ENPP3: variants seen among roughly 807,000 people sequenced by gnomAD.
The protein encoded by ENPP3 is ectonucleotide pyrophosphatase/phosphodiesterase family member 3.
In ENPP3, 104 loss-of-function variants were observed where a neutral mutation model predicts 117.8. That is an observed-to-expected ratio of 0.88 (90% CI 0.75 to 1.04). ENPP3 has a LOEUF of 1.04. Ranked by LOEUF, ENPP3 falls within the 50% of genes least tolerant of loss-of-function variation. The pLI is 0.00. For synonymous variants in ENPP3, 380 were observed against 349.9 expected (o/e 1.09, Z -0.96); for missense variants, 1,026 against 1,051.9 (o/e 0.98, Z 0.34).
intron 5 of ENPP3, among the ~76,000 whole-genome samples, chr6:131,653,157 T>C (rs1183311930): frequency 6.6e-6 from 1 of 152,116 alleles, no homozygotes; most frequent in Non-Finnish European, 1.5e-5. Context: ...TGAGACAAGG[T>C]CTTGCTCTGT....
chr6:131,701,031 G>T, intron 15 of ENPP3: 3 of 538,696 alleles, frequency 5.6e-6, no homozygotes, highest in Non-Finnish European at 9.2e-6. Flanking sequence ...GTGGCAGATG[G>T]CCACGTACAG....
chr6:131,641,376 A>T (rs1319533404), intron 1 of ENPP3, 79 bp from the exon 2 acceptor site: 19 of 859,700 alleles, frequency 2.2e-5, no homozygotes, highest in Non-Finnish European at 3.6e-5. Flanking sequence ...CTTAGAGAGA[A>T]TACTGAGAAA....
chr6:131,716,014 C>T (rs79944052), intron 15 of ENPP3, among the ~76,000 whole-genome samples: 4,258 of 140,440 alleles, frequency 0.03, 191 homozygotes, highest in African/African-American at 0.12. Flanking sequence ...ATGGAGATAC[C>T]GCACAGGAAG....
At chr6:131,686,038 C>G in intron 14 of ENPP3, 131 bp downstream of exon 14, 1 of 466,780 alleles carries the variant, frequency 2.1e-6, no homozygotes, top group South Asian at 2.8e-5. Flanking sequence ...CTTCCATCAA[C>G]ATTATTTTAT....
In ENPP3 at chr6:131,663,122, A is replaced by G. The variant is rs141729500; in HGVS notation, c.562+4702A>G. Among the ~76,000 whole-genome samples, 1,208 of 150,396 alleles carry G rather than the reference A, an allele frequency of 8.0e-3. 13 individuals are homozygous for G. The highest frequency in any genetic ancestry group is 0.025 in the African/African-American group (1,011 of 40,990). ...AGTATCATGTCTTCTGAAAATAGGG[A>G]CAGGTTTACTTCTTTCTTTCCTATG... On this transcript the variant is annotated intron_variant, in intron 6 of 24. Transcript: ENST00000357639.
At chr6:131,690,651 G>A (rs1164044727) in intron 14 of ENPP3, among the ~76,000 whole-genome samples, 2 of 152,130 alleles carry the variant, frequency 1.3e-5, no homozygotes, top group Non-Finnish European at 1.5e-5. Flanking sequence ...TGAGGATGGA[G>A]TGCAAAGGAC....
intron 15 of ENPP3, chr6:131,711,014 C>G: frequency 6.3e-7 from 1 of 1,592,452 alleles, no homozygotes. Flanking sequence ...CCAGGCTCCT[C>G]CATAGCGTCG....
chr6:131,729,581 G>A (rs892187549), intron 20 of ENPP3, among the ~76,000 whole-genome samples: 4 of 152,178 alleles, frequency 2.6e-5, no homozygotes, highest in South Asian at 2.1e-4. Flanking sequence ...TTTCTATTCC[G>A]TTGCTTCAAA....
At chr6:131,638,561 G>C (rs111244352) in intron 1 of ENPP3, 20 of 397,004 alleles carry the variant, frequency 5.0e-5, no homozygotes, top group African/African-American at 3.6e-4. Context: ...ATGCCACAAG[G>C]CTCAGCTAAG....
chr6:131,724,944 C>T (rs1227268608), intron 19 of ENPP3, among the ~76,000 whole-genome samples: 1 of 151,416 alleles, frequency 6.6e-6, no homozygotes, highest in Non-Finnish European at 1.5e-5. Context: ...CATGGTGGCT[C>T]ACACCTGTAA....
At chr6:131,639,643 G>A (rs1341406582) in intron 1 of ENPP3, among the ~76,000 whole-genome samples, 1 of 152,050 alleles carries the variant, frequency 6.6e-6, no homozygotes, top group African/African-American at 2.4e-5. Context: ...GAAGGTATCT[G>A]CTGTGTTTCT....
chr6:131,702,526 T>C (rs1779561849), intron 15 of ENPP3, among the ~76,000 whole-genome samples: 1 of 152,042 alleles, frequency 6.6e-6, no homozygotes, highest in Non-Finnish European at 1.5e-5. Flanking sequence ...ACAGGATCAG[T>C]AACTTTTGTT....
chr6:131,739,633 T>C (rs1244129496), intron 23 of ENPP3, among the ~76,000 whole-genome samples: 4 of 150,944 alleles, frequency 2.6e-5, no homozygotes, highest in Non-Finnish European at 5.9e-5. Flanking sequence ...CTAACATTTT[T>C]TCATGTTAGA....
intron 12 of ENPP3, 65 bp downstream of exon 12, chr6:131,683,227 A>G: frequency 1.1e-6 from 1 of 889,642 alleles, no homozygotes; most frequent in East Asian, 2.5e-5. Flanking sequence ...GAAATCATAC[A>G]CAAATAATAG....
chr6:131,726,240 A>G (rs1562476606), intron 20 of ENPP3, 40 bp downstream of exon 20: 2 of 1,568,664 alleles, frequency 1.3e-6, no homozygotes, highest in Non-Finnish European at 1.7e-6. Flanking sequence ...GGCAAGAAAT[A>G]TTTATAATCC....
At chr6:131,664,889 G>C (rs1778583958) in intron 6 of ENPP3, among the ~76,000 whole-genome samples, 2 of 152,080 alleles carry the variant, frequency 1.3e-5, no homozygotes, top group South Asian at 4.1e-4. Flanking sequence ...CACATTTCTA[G>C]GAATGTATCC....
At position 131,724,040 on chromosome 6, in the gene ENPP3, A is replaced by G. The variant is rs58038770; in HGVS notation, c.1747A>G (p.Ser583Gly). Residue 583 changes from serine to glycine, a missense_variant and splice_region_variant, in exon 19 of 25, where the codon AGT (serine) becomes GGT (glycine). By Grantham distance (56) the Ser-to-Gly change is moderately conservative (BLOSUM62 0). Coordinates refer to ENST00000357639, the MANE Select transcript of ENPP3 (RefSeq NM_005021.5). Reference protein sequence around the residue: ...LDCFCPHLQNSTQLEQVNQML... With the variant: ...LDCFCPHLQNGTQLEQVNQML... ...TTTCCCATCCCTCATTATCTTGCAGAGTACTCAGCTGGAACAAGTGAATCA... is the reference window on the plus strand; with the variant it reads ...TTTCCCATCCCTCATTATCTTGCAGGGTACTCAGCTGGAACAAGTGAATCA... 2.6e-3 allele frequency: 4,133 copies of G among 1,609,682 alleles called. 62 individuals are homozygous for G. In the African/African-American group the frequency reaches 0.033, roughly 13 times the overall value.
intron 6 of ENPP3, among the ~76,000 whole-genome samples, chr6:131,666,129 T>C (rs1408135271): frequency 6.6e-6 from 1 of 152,146 alleles, no homozygotes; most frequent in Non-Finnish European, 1.5e-5. Flanking sequence ...TAATATGTGA[T>C]CTATCCTGGA....
chr6:131,732,922 G>GT (rs11405171), intron 20 of ENPP3, among the ~76,000 whole-genome samples: 31,311 of 151,222 alleles, frequency 0.21, 4,757 homozygotes, highest in African/African-American at 0.4. Flanking sequence ...TAGAGACGGG[G>GT]TTCACCATGT....
Sources: gnomAD v4.1 joint callset for allele counts (sites outside exome capture counted in the v4.1 genomes callset) on GRCh38, gnomAD v4.1.1 for gene constraint, MANE v1.5 for transcripts, NCBI Gene and HGNC (gene_info 2026-07-23, HGNC 2026-07-21) for gene names.